PLAT: variants seen among roughly 807,000 people sequenced by gnomAD.
PLAT encodes plasminogen activator, tissue type.
In PLAT, 48 loss-of-function variants were observed where a neutral mutation model predicts 74.9. The ratio of observed to expected loss-of-function variants is 0.64; its 90% CI spans 0.51 to 0.82. PLAT has a LOEUF of 0.82. Among genes scored for constraint, PLAT ranks in the 40% least tolerant of loss-of-function variants. The probability of loss-of-function intolerance (pLI) is 0.00; values close to 1 mark genes in which losing one functional copy is unlikely to be tolerated. For missense variants in PLAT, 673 were observed against 736.2 expected, an observed-to-expected ratio of 0.91 and a Z score of 0.99; for synonymous variants, 307 against 294.4, an observed-to-expected ratio of 1.04 and a Z score of -0.44.
At chr8:42,199,731 T>C (rs8178880) in intron 1 of PLAT, among the ~76,000 whole-genome samples, 4,439 of 152,286 alleles carry the variant, frequency 0.029, 95 homozygotes, top group Non-Finnish European at 0.044. Flanking sequence ...CCTGTCCTAA[T>C]ACACTTAGAT....
intron 2 of PLAT, 121 bp downstream of exon 2, chr8:42,192,993 C>T: frequency 2.9e-6 from 2 of 698,108 alleles, no homozygotes; most frequent in Admixed American, 4.2e-5. Flanking sequence ...CCCCTCGTCC[C>T]TGTGCCTCTC....
In PLAT at chr8:42,179,930, C is replaced by T. The variant is rs375776561; in HGVS notation, c.1359G>A (p.Glu453=). 12 of 1,595,030 alleles carry T rather than the reference C, an allele frequency of 7.5e-6. No individual in the cohort carries two copies. The highest frequency in any genetic ancestry group is 1.7e-4 in the Middle Eastern group (1 of 6,012). The change falls in exon 12 of 14, where the codon GAG becomes GAA. Residue 453 remains glutamate (E), a synonymous_variant. Coordinates refer to ENST00000220809, the MANE Select transcript of PLAT (RefSeq NM_000930.5). ...CCGAGACTTCCTTCCACTTACAGGC[C>T]TCATGCTTGCCGTAGCCGGAGAGCT... ...ECELSGYGKH[E]ALSPFYSERL... is the part of the protein sequence containing the mutation.
chr8:42,207,133 G>A (rs954951412), intron 1 of PLAT, among the ~76,000 whole-genome samples: 1 of 152,180 alleles, frequency 6.6e-6, no homozygotes, highest in East Asian at 1.9e-4. Context: ...CAAGGCAGCC[G>A]ATTTTGCTTT....
At chr8:42,203,374 T>G (rs1806207068) in intron 1 of PLAT, among the ~76,000 whole-genome samples, 1 of 152,200 alleles carries the variant, frequency 6.6e-6, no homozygotes, top group African/African-American at 2.4e-5. Context: ...CATTGGTGTG[T>G]GCAATTCACA....
intron 6 of PLAT, chr8:42,185,880 G>A (rs1805434958): frequency 6.6e-6 from 1 of 152,200 alleles, no homozygotes; most frequent in Non-Finnish European, 1.5e-5. Context: ...AAGGCCTTAA[G>A]AGCAAATATG....
At chr8:42,203,992 T>TATAC (rs1554499838) in intron 1 of PLAT, among the ~76,000 whole-genome samples, 1,597 of 109,742 alleles carry the variant, frequency 0.015, 24 homozygotes, top group African/African-American at 0.029. Flanking sequence ...TATATATATA[T>TATAC]ACACACACAC....
chr8:42,175,779 GAC>G lies in PLAT; in HGVS notation c.*212_*213del, dbSNP rs1804944743. The G allele has an allele frequency of 1.9e-6, 1 of 524,404 alleles. No individual in the cohort carries two copies. The highest frequency in any genetic ancestry group is 3.4e-6 in the Non-Finnish European group (1 of 291,180). The allele number at this position is 524,404 out of a possible 1,614,324, so 32.5% of individuals were successfully genotyped here. A position where few individuals can be genotyped will look rare whatever the true frequency, so the allele number is the denominator to read the frequency against. ...AGTGTGCATTCATGTCTTCCCATCT[GAC>G]AGAGTATCCTGAAATCAGACCAAGT... On this transcript the variant is annotated 3_prime_UTR_variant, in exon 14 of 14. Coordinates refer to ENST00000220809, the MANE Select transcript of PLAT (RefSeq NM_000930.5).
Position 42,187,937 on chromosome 8 carries a change from G to A in PLAT, c.333C>T (p.Pro111=), listed in dbSNP as rs529130335. 1.5e-5 allele frequency: 25 copies of A among 1,612,916 alleles called. No homozygotes were observed. The South Asian group carries it at 2.1e-4, about 13-fold the overall frequency. Residue 111 remains proline (P), a synonymous_variant, in exon 5 of 14, where the codon CCC becomes CCT. Transcript: ENST00000220809. ...CACAGCACTTCCCAGCAAATCCTTC[G>A]GGGCACTGGCACACGAAATCTGAGA... ...LYFSDFVCQC[P]EGFAGKCCEI... is the part of the protein sequence containing the mutation.
In PLAT at chr8:42,193,098, GAT is replaced by G; in HGVS notation, c.72+14_72+15del. 1.3e-6 allele frequency: 2 copies of G among 1,582,480 alleles called. No individual in the cohort carries two copies. Among genetic ancestry groups the G allele is most frequent in the Middle Eastern group, 1.7e-4 (1 of 5,986 alleles). On this transcript the variant is annotated intron_variant, in intron 2 of 13. Coordinates refer to ENST00000220809, the MANE Select transcript of PLAT (RefSeq NM_000930.5). ...ACAGCCTTGAGGGGCGGGACACAGG[GAT>G]CCTGCACACCAACCTGGCTGGGCGA... is the stretch of plus-strand genomic sequence containing the variant.
chr8:42,175,835 TG>T lies in PLAT; in HGVS notation c.*157del. On this transcript the variant is annotated 3_prime_UTR_variant, in exon 14 of 14. Transcript: ENST00000220809. ...GAAAACTTCCAAAATGGGAAGTATC[TG>T]GGAAAATGCACTCTTCCCTCTCCTG... is the stretch of plus-strand genomic sequence containing the variant. 1.6e-6 allele frequency: 1 copy of T among 639,914 alleles called. No individual in the cohort carries two copies. The highest frequency in any genetic ancestry group is 2.7e-6 in the Non-Finnish European group (1 of 372,000). The allele number at this position is 639,914 out of a possible 1,614,324, so 39.6% of individuals were successfully genotyped here. A position where few individuals can be genotyped will look rare whatever the true frequency, so the allele number is the denominator to read the frequency against.
At chr8:42,198,080 C>T (rs1805983689) in intron 1 of PLAT, among the ~76,000 whole-genome samples, 1 of 152,146 alleles carries the variant, frequency 6.6e-6, no homozygotes, top group Non-Finnish European at 1.5e-5. Context: ...CGCCTGTAAC[C>T]CCAGCACTTT....
chr8:42,189,571 C>T (rs1587936530), intron 3 of PLAT, among the ~76,000 whole-genome samples: 1 of 151,366 alleles, frequency 6.6e-6, no homozygotes, highest in East Asian at 1.9e-4. Flanking sequence ...TGAGTATCTT[C>T]TCATATGATT....
chr8:42,179,225 A>G (rs1360953082), intron 12 of PLAT, among the ~76,000 whole-genome samples, 162 bp from the exon 13 acceptor site: 2 of 152,188 alleles, frequency 1.3e-5, no homozygotes, highest in South Asian at 2.1e-4. Flanking sequence ...TTGACCCACA[A>G]AAACAGCAGG....
intron 2 of PLAT, among the ~76,000 whole-genome samples, chr8:42,192,635 A>G (rs1299828202): frequency 6.6e-6 from 1 of 152,238 alleles, no homozygotes; most frequent in African/African-American, 2.4e-5. Flanking sequence ...ACTAGGTATT[A>G]TAAGTAATTT....
chr8:42,204,699 G>A (rs2129833806), intron 1 of PLAT, among the ~76,000 whole-genome samples: 1 of 145,362 alleles, frequency 6.9e-6, no homozygotes, highest in East Asian at 2.0e-4. Context: ...TGGTGAAAAA[G>A]CGAGACTCCA....
intron 1 of PLAT, among the ~76,000 whole-genome samples, chr8:42,198,131 G>A (rs1220093280): frequency 2.0e-5 from 3 of 152,002 alleles, no homozygotes; most frequent in Admixed American, 6.6e-5. Context: ...CCAGGAGTTC[G>A]AGATCAGCCT....
intron 13 of PLAT, 38 bp downstream of exon 13, chr8:42,178,859 T>C (rs1358568112): frequency 6.2e-7 from 1 of 1,602,940 alleles, no homozygotes. Flanking sequence ...CATTCTCCCC[T>C]GGGTTGTGCC....
intron 3 of PLAT, 21 bp from the exon 4 acceptor site, chr8:42,189,092 G>T (rs989652712): frequency 2.3e-5 from 37 of 1,608,762 alleles, no homozygotes; most frequent in Non-Finnish European, 3.1e-5. Flanking sequence ...AGACAGGCCA[G>T]CCTCATCAGA....
chr8:42,204,778 C>T (rs1364068708), intron 1 of PLAT, among the ~76,000 whole-genome samples: 2 of 150,544 alleles, frequency 1.3e-5, no homozygotes, highest in Non-Finnish European at 3.0e-5. Context: ...AATCCCAGCA[C>T]TTTGGAGGAG....
Sources: gnomAD v4.1 joint callset for allele counts (sites outside exome capture counted in the v4.1 genomes callset) on GRCh38, gnomAD v4.1.1 for gene constraint, MANE v1.5 for transcripts, NCBI Gene and HGNC (gene_info 2026-07-23, HGNC 2026-07-21) for gene names.